NFATC2: variants seen among roughly 807,000 people sequenced by gnomAD.
The protein encoded by NFATC2 is nuclear factor of activated T cells 2, also known as nuclear factor of activated T-cells, cytoplasmic 2.
A neutral mutation model predicts 87.3 loss-of-function variants in NFATC2; 22 were observed. The observed-to-expected ratio is 0.25, with a 90% CI of 0.18 to 0.36. The LOEUF (loss-of-function observed/expected upper bound fraction) is 0.36, where lower values mean the gene tolerates loss of function less well. Among genes scored for constraint, NFATC2 ranks in the 10% least tolerant of loss-of-function variants. The pLI, the probability that NFATC2 is intolerant of heterozygous loss-of-function variation, is 1.00. For missense variants in NFATC2, 1,149 were observed against 1,259.1 expected (o/e 0.91, Z 1.32); for synonymous variants, 565 against 542.2 (o/e 1.04, Z -0.58).
At chr20:51,395,323 T>C (rs4811171) in intron 10 of NFATC2, among the ~76,000 whole-genome samples, 35,468 of 82,496 alleles carry the variant, frequency 0.43, 4,665 homozygotes, top group African/African-American at 0.56. Flanking sequence ...TTAACTTGTA[T>C]GGTATTGATC....
intron 3 of NFATC2, among the ~76,000 whole-genome samples, chr20:51,513,273 T>C (rs1248803597): frequency 6.6e-6 from 1 of 151,214 alleles, no homozygotes; most frequent in Non-Finnish European, 1.5e-5. Flanking sequence ...AGCCCAGGAG[T>C]TCAAGACCAG....
In NFATC2 at chr20:51,480,042, C is replaced by A. The variant is rs976670864; in HGVS notation, c.1333-4382G>T. On this transcript the variant is annotated intron_variant, in intron 3 of 10. Transcript: ENST00000371564. This position sits in a 1 kb window ranked among gnomAD's most constrained non-coding sequence, Gnocchi z 4.2. ...GTGGCTCGTGCCTGTAATCCCAGCA[C>A]TTTGGGAGGCTGAGGTGGGCAGATC... 1.3e-5 allele frequency among the ~76,000 whole-genome samples: 2 copies of A among 152,060 alleles called. No individual in the cohort carries two copies.
At chr20:51,424,547 G>A (rs1981477070) in intron 9 of NFATC2, among the ~76,000 whole-genome samples, 1 of 152,158 alleles carries the variant, frequency 6.6e-6, no homozygotes, top group Admixed American at 6.5e-5. Flanking sequence ...AAGTGACTTG[G>A]CCAAAGTTAC....
chr20:51,544,347 T>G (rs1262933173), upstream of NFATC2, among the ~76,000 whole-genome samples: 1 of 152,060 alleles, frequency 6.6e-6, no homozygotes, highest in African/African-American at 2.4e-5. Flanking sequence ...GATGAGAAGA[T>G]TAGACGGGAG....
upstream of NFATC2, among the ~76,000 whole-genome samples, chr20:51,546,823 G>A (rs919131387): frequency 2.6e-5 from 4 of 152,184 alleles, no homozygotes; most frequent in Non-Finnish European, 4.4e-5. Flanking sequence ...CTAGGGAGGC[G>A]ATGTTTAAGC....
At chr20:51,536,689 C>T (rs112861870) in intron 1 of NFATC2, among the ~76,000 whole-genome samples, 4 of 152,202 alleles carry the variant, frequency 2.6e-5, no homozygotes, top group Admixed American at 6.5e-5. Context: ...GTGAGTGAGG[C>T]AACTTCATTT....
At chr20:51,540,663 T>TGTTTTTTTTGTTTG (rs1555818355) in intron 1 of NFATC2, among the ~76,000 whole-genome samples, 143 of 135,774 alleles carry the variant, frequency 1.1e-3, no homozygotes, top group South Asian at 4.3e-3. Flanking sequence ...TTTTTGTTTT[T>TGTTTTTTTTGTTTG]TTTTTTTTGA....
At chr20:51,496,174 C>T (rs930009199) in intron 3 of NFATC2, among the ~76,000 whole-genome samples, 14 of 152,180 alleles carry the variant, frequency 9.2e-5, no homozygotes, top group Middle Eastern at 3.4e-3. Context: ...AGGATCGAAG[C>T]GCAGCTGTTC....
chr20:51,432,620 G>T lies in NFATC2; in HGVS notation c.2169C>A (p.Ala723=). 2.0e-6 allele frequency: 3 copies of T among 1,531,464 alleles called. No individual in the cohort carries two copies. The highest frequency in any genetic ancestry group is 1.8e-6 in the Non-Finnish European group (2 of 1,141,176). The allele number at this position is 1,531,464 out of a possible 1,614,324, so 94.9% of individuals were successfully genotyped here. The change falls in exon 9 of 11, where the codon GCC becomes GCA. Residue 723 remains alanine (A), a synonymous_variant. Coordinates refer to ENST00000371564, the MANE Select transcript of NFATC2 (RefSeq NM_012340.5). This position sits in a 1 kb window ranked among gnomAD's most constrained non-coding sequence, Gnocchi z 4.6. ...GGAACTGCTGGCAGGGAGCCATGGTGGCCACGAGGCAGGAGGGGGACTCGG... is the reference window on the plus strand; with the variant it reads ...GGAACTGCTGGCAGGGAGCCATGGTTGCCACGAGGCAGGAGGGGGACTCGG... ...MVAESPSCLV[A]TMAPCQQFRT...
chr20:51,396,572 A>C (rs1987175640), intron 10 of NFATC2, among the ~76,000 whole-genome samples: 3 of 152,104 alleles, frequency 2.0e-5, no homozygotes, highest in Admixed American at 2.0e-4. Context: ...TGCCCACGAG[A>C]GCCTGGGCCC....
rs1247388886 is a variant in NFATC2, at chr20:51,480,914, GT to G, written c.1333-5255del. Among the ~76,000 whole-genome samples the G allele has an allele frequency of 4.6e-5, 7 of 152,176 alleles. No homozygotes were observed. The highest frequency in any genetic ancestry group is 1.4e-4 in the African/African-American group (6 of 41,450). ...AGGGTGAAGAATGAATGTGAACAAAGTGAGAACCAACGTGAAGGCCTCCCAT... is the reference window on the plus strand; with the variant it reads ...AGGGTGAAGAATGAATGTGAACAAAGGAGAACCAACGTGAAGGCCTCCCAT... On this transcript the variant is annotated intron_variant, in intron 3 of 10. Transcript: ENST00000371564. This position sits in a 1 kb window ranked among gnomAD's most constrained non-coding sequence, Gnocchi z 4.2.
intron 1 of NFATC2, among the ~76,000 whole-genome samples, chr20:51,531,657 GGGTGATGACACT>G (rs1193910553): frequency 3.3e-5 from 5 of 152,150 alleles, no homozygotes; most frequent in African/African-American, 1.2e-4. Context: ...GTGTGACACG[GGGTGATGACACT>G]GGTGATGATA....
rs67935951 is a variant in NFATC2 at position 51,411,516 on chromosome 20, CTTTTTTTTTTTTTTTTT to C, written c.2723-12803_2723-12787del. On this transcript the variant is annotated intron_variant, in intron 9 of 10. Coordinates refer to ENST00000371564, the MANE Select transcript of NFATC2 (RefSeq NM_012340.5). Reference sequence around the variant, plus strand: ...CAAGGTCCTGAAGCAATGCAATTGTCTTTTTTTTTTTTTTTTTTTTTTTTTTTTTGAGACAGAGTCTT... The same window carrying C: ...CAAGGTCCTGAAGCAATGCAATTGTCTTTTTTTTTTTTGAGACAGAGTCTT... Among the ~76,000 whole-genome samples, 54 of 87,250 alleles carry C rather than the reference CTTTTTTTTTTTTTTTTT, an allele frequency of 6.2e-4. 2 individuals are homozygous for C. In the Middle Eastern group the frequency reaches 0.021, roughly 34 times the overall value. The allele number at this position is 87,250 out of a possible 152,430, so 57.2% of individuals were successfully genotyped here.
In NFATC2 at chr20:51,562,445, A is replaced by C. The variant is rs964666464; in HGVS notation, c.70+115T>G. The C allele has an allele frequency of 1.1e-6, 1 of 933,388 alleles. No individual in the cohort carries two copies. 57.8% of individuals were successfully genotyped at this position (933,388 alleles called of 1,614,324 possible). A position where few individuals can be genotyped will look rare whatever the true frequency, so the allele number is the denominator to read the frequency against. On this transcript the variant is annotated intron_variant, in intron 1 of 10. Transcript: ENST00000414705. The surrounding 1 kb of genome is among the most constrained non-coding windows in gnomAD (Gnocchi z 5.8). ...TGCGCCGAGGGCGAGCGGGGTCCCC[A>C]GGCCTCCCGCACCGACCTCTGCCGG...
chr20:51,498,405 A>G (rs6013201), intron 3 of NFATC2, among the ~76,000 whole-genome samples: 17,969 of 152,166 alleles, frequency 0.12, 1,853 homozygotes, highest in African/African-American at 0.28. Flanking sequence ...AGGAGATGAA[A>G]GATGAATGTG....
intron 9 of NFATC2, among the ~76,000 whole-genome samples, chr20:51,402,847 A>C (rs2146246129): frequency 6.6e-6 from 1 of 152,236 alleles, no homozygotes; most frequent in South Asian, 2.1e-4. Flanking sequence ...AAGGGGCAAA[A>C]CCCCTGGCCT....
intron 5 of NFATC2, among the ~76,000 whole-genome samples, chr20:51,465,684 A>C (rs1285875842): frequency 6.6e-6 from 1 of 151,956 alleles, no homozygotes; most frequent in East Asian, 1.9e-4. Flanking sequence ...TGACAGACAC[A>C]TATTTAACCA....
At chr20:51,483,789 C>T (rs1043556358) in intron 3 of NFATC2, among the ~76,000 whole-genome samples, 3 of 152,048 alleles carry the variant, frequency 2.0e-5, no homozygotes, top group Non-Finnish European at 4.4e-5. Flanking sequence ...AAAGCCCTGT[C>T]AATTCCATTC....
At chr20:51,439,868 G>A (rs748951262) in intron 6 of NFATC2, among the ~76,000 whole-genome samples, 1 of 152,200 alleles carries the variant, frequency 6.6e-6, no homozygotes, top group Admixed American at 6.5e-5. Context: ...AACATATGGA[G>A]ATAATCATAG....
Sources: gnomAD v4.1 joint callset for allele counts (sites outside exome capture counted in the v4.1 genomes callset) on GRCh38, gnomAD v4.1.1 for gene constraint, Gnocchi (gnomAD v3.1) non-coding constraint, MANE v1.5 for transcripts, NCBI Gene and HGNC (gene_info 2026-07-23, HGNC 2026-07-21) for gene names.